The following CMIP variants were observed in gnomAD, a reference collection of about 807,000 sequenced individuals.
CMIP encodes c-Maf inducing protein, also known as C-Maf-inducing protein.
A neutral mutation model predicts 97.3 loss-of-function variants in CMIP; 13 were observed. That is an observed-to-expected ratio of 0.13 (90% CI 0.09 to 0.21). The LOEUF is 0.21. Ranked by LOEUF, CMIP falls within the 10% of genes least tolerant of loss-of-function variation. The pLI, the probability that CMIP is intolerant of heterozygous loss-of-function variation, is 1.00. For missense variants in CMIP, 847 were observed against 1,024.9 expected (o/e 0.83, Z 2.37); for synonymous variants, 538 against 436.3 (o/e 1.23, Z -2.91).
At chr16:81,635,899 G>T (rs1422534469) in intron 3 of CMIP, among the ~76,000 whole-genome samples, 3 of 152,168 alleles carry the variant, frequency 2.0e-5, no homozygotes, top group Non-Finnish European at 4.4e-5. Flanking sequence ...AAAATGGTTT[G>T]TGGACCCCGA....
At chr16:81,551,079 CCCGTCACACGCACCCCAGTT>C (rs2090647117) in intron 1 of CMIP, among the ~76,000 whole-genome samples, 8 of 128,248 alleles carry the variant, frequency 6.2e-5, no homozygotes, top group African/African-American at 1.5e-4. Flanking sequence ...GCACCCCAGT[CCCGTCACACGCACCCCAGTT>C]CCATCACATA....
At chr16:81,632,584 C>G (rs1468669028) in intron 3 of CMIP, among the ~76,000 whole-genome samples, 2 of 152,208 alleles carry the variant, frequency 1.3e-5, no homozygotes, top group Non-Finnish European at 2.9e-5. Context: ...GACTGAGTTT[C>G]TGACAGGAAG....
At chr16:81,587,741 C>G (rs1597119460) in intron 1 of CMIP, among the ~76,000 whole-genome samples, 1 of 152,226 alleles carries the variant, frequency 6.6e-6, no homozygotes. Context: ...TCCCTCCTCC[C>G]CTGACTTCAG....
At chr16:81,633,191 C>T (rs1369582274) in intron 3 of CMIP, among the ~76,000 whole-genome samples, 2 of 152,234 alleles carry the variant, frequency 1.3e-5, no homozygotes, top group African/African-American at 4.8e-5. Context: ...GAGGCAGCGT[C>T]TTGATGAGCA....
intron 1 of CMIP, among the ~76,000 whole-genome samples, chr16:81,547,647 C>T (rs1567572218): frequency 2.6e-5 from 4 of 152,000 alleles, no homozygotes; most frequent in African/African-American, 7.3e-5. Flanking sequence ...AGGAAGGGAT[C>T]TCCTCAGAAG....
intron 5 of CMIP, among the ~76,000 whole-genome samples, chr16:81,659,117 G>C (rs974738459): frequency 6.6e-6 from 1 of 152,228 alleles, no homozygotes; most frequent in African/African-American, 2.4e-5. Context: ...GCCAGAACAG[G>C]AGGACAAGTC....
chr16:81,499,523 C>T (rs917477781), intron 1 of CMIP, among the ~76,000 whole-genome samples: 1 of 152,246 alleles, frequency 6.6e-6, no homozygotes, highest in African/African-American at 2.4e-5. Flanking sequence ...TGAGCTGTCT[C>T]CTCACCTTAG....
chr16:81,471,193 T>C (rs928172893), intron 1 of CMIP, among the ~76,000 whole-genome samples: 1 of 152,226 alleles, frequency 6.6e-6, no homozygotes, highest in Non-Finnish European at 1.5e-5. Context: ...TGCATATAAA[T>C]ATACTCACAT....
At chr16:81,489,594 T>G (rs1247148083) in intron 1 of CMIP, among the ~76,000 whole-genome samples, 1 of 152,194 alleles carries the variant, frequency 6.6e-6, no homozygotes. Context: ...GCACACCCTG[T>G]CACCAAACAG....
chr16:81,631,626 AT>A, intron 3 of CMIP: 1 of 152,220 alleles, frequency 6.6e-6, no homozygotes, highest in Non-Finnish European at 1.5e-5. Context: ...CTGGCTTCTT[AT>A]GATTTGTCTG....
chr16:81,579,013 T>C lies in CMIP; in HGVS notation c.301-28554T>C, dbSNP rs183902612. Among the ~76,000 whole-genome samples, 189 of 152,302 alleles carry C rather than the reference T, an allele frequency of 1.2e-3. 1 individual carries two copies. The highest frequency in any genetic ancestry group is 1.9e-3 in the Non-Finnish European group (126 of 68,018). ...CCAGATCTAGCTCAGCTTCTTCAGC[T>C]CCAGAAAGCAATTTGCCTCTCCTGA... On this transcript the variant is annotated intron_variant, in intron 1 of 20. Coordinates refer to ENST00000537098, the MANE Select transcript of CMIP (RefSeq NM_198390.3).
At chr16:81,568,227 G>C (rs943123300) in intron 1 of CMIP, among the ~76,000 whole-genome samples, 18 of 152,144 alleles carry the variant, frequency 1.2e-4, no homozygotes, top group Admixed American at 4.6e-4. Context: ...GCAACTCCAG[G>C]GGGAGAGGGA....
chr16:81,639,455 C>CT (rs2092277801), intron 3 of CMIP, among the ~76,000 whole-genome samples: 1 of 152,198 alleles, frequency 6.6e-6, no homozygotes, highest in Non-Finnish European at 1.5e-5. Context: ...CTTTCGGTCT[C>CT]TAAGAATTTG....
At position 81,652,554 on chromosome 16, in the gene CMIP, T is replaced by C. The variant is rs1024172367; in HGVS notation, c.639+190T>C. Among the ~76,000 whole-genome samples the C allele has an allele frequency of 2.0e-5, 3 of 152,138 alleles. No homozygotes were observed. The highest frequency in any genetic ancestry group is 7.2e-5 in the African/African-American group (3 of 41,444). On this transcript the variant is annotated intron_variant, in intron 4 of 20. Coordinates refer to ENST00000537098, the MANE Select transcript of CMIP (RefSeq NM_198390.3). The surrounding 1 kb of genome is among the most constrained non-coding windows in gnomAD (Gnocchi z 5.2). ...GGAGAGGGAGGCTTGCCCCAGCTGCTTGCAGCTGTGCTGTCTGGGGATTGT... is the reference window on the plus strand; with the variant it reads ...GGAGAGGGAGGCTTGCCCCAGCTGCCTGCAGCTGTGCTGTCTGGGGATTGT...
intron 3 of CMIP, chr16:81,631,098 G>A (rs2092151921): frequency 6.6e-6 from 1 of 152,354 alleles, no homozygotes; most frequent in South Asian, 2.1e-4. Context: ...ACTAACAAGT[G>A]GCAGAGGGCC....
At chr16:81,591,011 C>T (rs183596249) in intron 1 of CMIP, among the ~76,000 whole-genome samples, 89 of 152,352 alleles carry the variant, frequency 5.8e-4, no homozygotes, top group African/African-American at 2.1e-3. Flanking sequence ...GCACTGCTGA[C>T]AGTTGTGAGA....
At chr16:81,473,947 C>A (rs1907722112) in intron 1 of CMIP, among the ~76,000 whole-genome samples, 1 of 151,978 alleles carries the variant, frequency 6.6e-6, no homozygotes, top group African/African-American at 2.4e-5. Flanking sequence ...TGACTTACCA[C>A]AGGCCTGGCT....
At chr16:81,669,081 T>C (rs1456246672) in intron 7 of CMIP, among the ~76,000 whole-genome samples, 2 of 96,578 alleles carry the variant, frequency 2.1e-5, no homozygotes, top group Non-Finnish European at 4.2e-5. Flanking sequence ...CTCACCTCCT[T>C]CCACATCCAC....
At chr16:81,613,233 ATCCT>A (rs2091860560) in intron 2 of CMIP, among the ~76,000 whole-genome samples, 1 of 152,184 alleles carries the variant, frequency 6.6e-6, no homozygotes, top group African/African-American at 2.4e-5. Context: ...TGCGTGCCAC[ATCCT>A]TCCTCCTCCT....
Sources: gnomAD v4.1 joint callset for allele counts (sites outside exome capture counted in the v4.1 genomes callset) on GRCh38, gnomAD v4.1.1 for gene constraint, Gnocchi (gnomAD v3.1) non-coding constraint, MANE v1.5 for transcripts, NCBI Gene and HGNC (gene_info 2026-07-23, HGNC 2026-07-21) for gene names.